The following GRID1 variants were observed in gnomAD, a reference collection of about 807,000 sequenced individuals.
The protein encoded by GRID1 is glutamate receptor ionotropic, delta-1.
Under a neutral mutation model 98.0 loss-of-function variants are expected in GRID1, and 28 were observed. The ratio of observed to expected loss-of-function variants is 0.29; its 90% confidence interval spans 0.21 to 0.39. GRID1 has a LOEUF of 0.39. Ranked by LOEUF, GRID1 falls within the 10% of genes least tolerant of loss-of-function variation. The pLI, the probability that GRID1 is intolerant of heterozygous loss-of-function variation, is 1.00. For missense variants in GRID1, 1,111 were observed against 1,340.5 expected, an observed-to-expected ratio of 0.83 and a Z score of 2.67; for synonymous variants, 553 against 538.5, an observed-to-expected ratio of 1.03 and a Z score of -0.37.
chr10:86,331,657 T>C lies in GRID1; in HGVS notation c.235+32284A>G, dbSNP rs12251029. ...GGGGGAACAGAAAGAGTTCAGACTT[T>C]GGGGTCACCAAGCCTGGGTCCCCAG... On this transcript the variant is annotated intron_variant, in intron 2 of 15. Transcript: ENST00000327946. Among the ~76,000 whole-genome samples the C allele has an allele frequency of 5.4e-3, 817 of 152,256 alleles. 9 individuals are homozygous for C. Among genetic ancestry groups the C allele is most frequent in the African/African-American group, 0.019 (777 of 41,546 alleles).
chr10:86,072,656 T>C (rs7095743), intron 4 of GRID1, among the ~76,000 whole-genome samples: 138,489 of 152,038 alleles, frequency 0.91, 63,229 homozygotes, highest in East Asian at 1. Flanking sequence ...TCGGTCTGAT[T>C]AGCACATTGA....
chr10:86,172,165 C>A (rs1845497955), intron 3 of GRID1, among the ~76,000 whole-genome samples: 1 of 152,148 alleles, frequency 6.6e-6, no homozygotes, highest in Non-Finnish European at 1.5e-5. Context: ...CACTCCCCTA[C>A]CCCCATCCCA....
chr10:86,068,708 C>T (rs1843755113), intron 4 of GRID1, among the ~76,000 whole-genome samples: 1 of 152,182 alleles, frequency 6.6e-6, no homozygotes, highest in Non-Finnish European at 1.5e-5. Context: ...TGATGAGCGT[C>T]TAGGGAGGCA....
chr10:86,143,643 CT>C (rs1281433018), intron 3 of GRID1, among the ~76,000 whole-genome samples: 1 of 152,234 alleles, frequency 6.6e-6, no homozygotes, highest in African/African-American at 2.4e-5. Flanking sequence ...CCACCTGCCC[CT>C]GGGGAAGTTT....
chr10:85,938,273 A>T (rs576253265), intron 4 of GRID1, among the ~76,000 whole-genome samples: 1 of 152,326 alleles, frequency 6.6e-6, no homozygotes, highest in East Asian at 1.9e-4. Flanking sequence ...ATATTGAGGG[A>T]AAAGTTCAGC....
intron 2 of GRID1, among the ~76,000 whole-genome samples, chr10:86,254,244 A>G (rs1846881245): frequency 6.6e-6 from 1 of 152,168 alleles, no homozygotes; most frequent in Non-Finnish European, 1.5e-5. Context: ...ACCACCTGTG[A>G]GTGCTGACAC....
At chr10:85,741,267 G>A (rs1417820472) in intron 8 of GRID1, among the ~76,000 whole-genome samples, 1 of 152,166 alleles carries the variant, frequency 6.6e-6, no homozygotes, top group African/African-American at 2.4e-5. Flanking sequence ...TTTACTTAGA[G>A]TGGTTGAAAG....
intron 2 of GRID1, among the ~76,000 whole-genome samples, chr10:86,292,426 T>A (rs1847527827): frequency 6.6e-6 from 1 of 152,182 alleles, no homozygotes; most frequent in Middle Eastern, 3.2e-3. Flanking sequence ...TAGGGAAGCA[T>A]CACCATGCCG....
chr10:86,024,897 T>A (rs1004645527), intron 4 of GRID1, among the ~76,000 whole-genome samples: 1 of 152,134 alleles, frequency 6.6e-6, no homozygotes, highest in Non-Finnish European at 1.5e-5. Flanking sequence ...ACAGAGTAGA[T>A]AAGATGAGGC....
chr10:86,106,376 G>A (rs1844386730), intron 4 of GRID1, among the ~76,000 whole-genome samples: 1 of 151,974 alleles, frequency 6.6e-6, no homozygotes, highest in Admixed American at 6.5e-5. Flanking sequence ...GGTCAAAAAA[G>A]CAAAACACAA....
chr10:86,067,436 G>GACCTC (rs1843737186), intron 4 of GRID1, among the ~76,000 whole-genome samples: 1 of 152,194 alleles, frequency 6.6e-6, no homozygotes, highest in Non-Finnish European at 1.5e-5. Flanking sequence ...GCGTTTCACA[G>GACCTC]ACCTCACCCC....
At chr10:85,833,479 T>C (rs1036241417) in intron 8 of GRID1, among the ~76,000 whole-genome samples, 1 of 147,276 alleles carries the variant, frequency 6.8e-6, no homozygotes, top group African/African-American at 2.5e-5. Context: ...CAGATAAAAG[T>C]AGGCCAGACA....
At chr10:86,233,922 G>T (rs1312364056) in intron 2 of GRID1, among the ~76,000 whole-genome samples, 1 of 150,212 alleles carries the variant, frequency 6.7e-6, no homozygotes, top group African/African-American at 2.5e-5. Flanking sequence ...CAGGAAATGA[G>T]AGGGTGGAGA....
At chr10:86,339,264 G>T (rs1848275179) in intron 2 of GRID1, among the ~76,000 whole-genome samples, 1 of 152,248 alleles carries the variant, frequency 6.6e-6, no homozygotes, top group African/African-American at 2.4e-5. Context: ...TGAGCTGCAA[G>T]GGAAGGCAGG....
chr10:85,755,873 G>A (rs1412122961), intron 8 of GRID1, among the ~76,000 whole-genome samples: 1 of 152,076 alleles, frequency 6.6e-6, no homozygotes, highest in African/African-American at 2.4e-5. Flanking sequence ...AAGGAGGTGG[G>A]ACTCATACCT....
At chr10:85,751,059 G>T (rs1174291792) in intron 8 of GRID1, among the ~76,000 whole-genome samples, 1 of 152,204 alleles carries the variant, frequency 6.6e-6, no homozygotes, top group Non-Finnish European at 1.5e-5. Context: ...GGTGGGCCCA[G>T]AGGGGGCTCT....
At chr10:86,130,789 C>T (rs1008422461) in intron 4 of GRID1, among the ~76,000 whole-genome samples, 1 of 152,206 alleles carries the variant, frequency 6.6e-6, no homozygotes, top group African/African-American at 2.4e-5. Flanking sequence ...CTGGTTAACG[C>T]TTAAGCCATC....
intron 8 of GRID1, among the ~76,000 whole-genome samples, chr10:85,816,451 T>A (rs1842716622): frequency 6.6e-6 from 1 of 152,208 alleles, no homozygotes; most frequent in Non-Finnish European, 1.5e-5. Context: ...GTAACTCACT[T>A]ATAAAATTCT....
Position 85,869,189 on chromosome 10 carries a change from A to G in GRID1, c.781-9T>C. The G allele has an allele frequency of 6.2e-7, 1 of 1,612,024 alleles. No individual in the cohort carries two copies. Among genetic ancestry groups the G allele is most frequent in the Non-Finnish European group, 8.5e-7 (1 of 1,178,096 alleles). On this transcript the variant is annotated splice_polypyrimidine_tract_variant and intron_variant, in intron 5 of 15. Transcript: ENST00000327946. ...TCCGGGTCACTGATTTCCTAGAAAA[A>G]TAACCAGGCCCATGCTTACCATCCA...
Sources: allele counts gnomAD v4.1 joint callset (sites outside exome capture counted in the v4.1 genomes callset), GRCh38; gene constraint gnomAD v4.1.1; transcripts MANE v1.5; gene names NCBI Gene and HGNC (gene_info 2026-07-23, HGNC 2026-07-21).